The following RPS27L variants were observed in gnomAD, a reference collection of about 807,000 sequenced individuals.
RPS27L encodes ribosomal protein S27 like.
RPS27L carries 10 observed loss-of-function variants against 12.8 expected under a neutral mutation model. The observed-to-expected ratio is 0.78, with a 90% CI of 0.48 to 1.33. The LOEUF (loss-of-function observed/expected upper bound fraction) is 1.33, where lower values mean the gene tolerates loss of function less well. Among genes scored for constraint, RPS27L ranks in the 40% most tolerant of loss-of-function variants. RPS27L has a pLI of 0.00. For missense variants in RPS27L, 81 were observed against 97.4 expected, an observed-to-expected ratio of 0.83 and a Z score of 0.71; for synonymous variants, 26 against 32.3, an observed-to-expected ratio of 0.81 and a Z score of 0.66.
rs772085340 is a variant in RPS27L, at chr15:63,153,988, T to C, written c.*44A>G. On this transcript the variant is annotated 3_prime_UTR_variant, in exon 4 of 4. Coordinates refer to ENST00000330964, the MANE Select transcript of RPS27L (RefSeq NM_015920.4). ...TTATGGAATTTATGATAAGGCTTTC[T>C]GTGAGACAACACAAAATTAAAATTC... 6.7e-7 allele frequency: 1 copy of C among 1,482,570 alleles called. No individual in the cohort carries two copies. The highest frequency in any genetic ancestry group is 9.4e-7 in the Non-Finnish European group (1 of 1,067,802). 91.8% of individuals were successfully genotyped at this position (1,482,570 alleles called of 1,614,324 possible). A position where few individuals can be genotyped will look rare whatever the true frequency, so the allele number is the denominator to read the frequency against.
In RPS27L at chr15:63,150,277, T is replaced by C. The variant is rs1566996571; in HGVS notation, c.*3755A>G. 1 of 152,156 alleles carries C rather than the reference T, an allele frequency of 6.6e-6. No individual in the cohort carries two copies. The highest frequency in any genetic ancestry group is 1.5e-5 in the Non-Finnish European group (1 of 68,030). The allele number at this position is 152,156 out of a possible 1,614,324, so 9.4% of individuals were successfully genotyped here. On this transcript the variant is annotated 3_prime_UTR_variant, in exon 4 of 4. Transcript: ENST00000330964. The stretch of plus-strand genomic sequence containing the variant: ...ACCATGTGATTCCATTTATACGAAA[T>C]AGCATTATATGAAATATTGAGAAGA...
Position 63,151,019 on chromosome 15 carries a change from G to A in RPS27L, c.*3013C>T, listed in dbSNP as rs2037296573. 6.6e-6 allele frequency: 1 copy of A among 152,098 alleles called. No individual in the cohort carries two copies. The allele number at this position is 152,098 out of a possible 1,614,324, so 9.4% of individuals were successfully genotyped here. A position where few individuals can be genotyped will look rare whatever the true frequency, so the allele number is the denominator to read the frequency against. On this transcript the variant is annotated 3_prime_UTR_variant, in exon 4 of 4. Coordinates refer to ENST00000330964, the MANE Select transcript of RPS27L (RefSeq NM_015920.4). The stretch of plus-strand genomic sequence containing the variant: ...AAAATAAATTTATATTAAGTTTATG[G>A]AAGGTTTCCTTTACAAATATATTTA...
At chr15:63,155,517 G>T in intron 3 of RPS27L, 104 bp downstream of exon 3, 1 of 712,890 alleles carries the variant, frequency 1.4e-6, no homozygotes, top group Non-Finnish European at 2.4e-6. Context: ...TGAAAGATAA[G>T]TTATTTTGGT....
At chr15:63,157,141 C>A (rs567119819) in intron 1 of RPS27L, 2 of 557,750 alleles carry the variant, frequency 3.6e-6, no homozygotes, top group Admixed American at 3.2e-5. Flanking sequence ...AGACCAAGAC[C>A]GCTCATAAGC....
rs530159323 is a variant in RPS27L, at chr15:63,153,746, C to T, written c.*286G>A. The T allele has an allele frequency of 2.1e-5, 6 of 285,210 alleles. No homozygotes were observed. In the South Asian group the frequency reaches 3.2e-4, roughly 15 times the overall value. The allele number at this position is 285,210 out of a possible 1,614,324, so 17.7% of individuals were successfully genotyped here. On this transcript the variant is annotated 3_prime_UTR_variant, in exon 4 of 4. Coordinates refer to ENST00000330964, the MANE Select transcript of RPS27L (RefSeq NM_015920.4). ...TCTCTCAAAAAAAAAAAAAAAGACA[C>T]AAACTAATCAGAATAAATTTTAAAA...
Position 63,155,647 on chromosome 15 carries a change from G to A in RPS27L, c.200C>T (p.Thr67Ile), listed in dbSNP as rs766919192. 6 of 1,592,788 alleles carry A rather than the reference G, an allele frequency of 3.8e-6. No homozygotes were observed. Among genetic ancestry groups the A allele is most frequent in the South Asian group, 2.3e-5 (2 of 88,218 alleles). ...TTCTGTGAGTCTGGCCTTTCCTCCT[G>A]TAGGCTGGCACAACACTGTTGAACA... ...VGCSTVLCQP[T>I]GGKARLTEGC... The change falls in exon 3 of 4, where the codon ACA (threonine) becomes ATA (isoleucine). Residue 67 changes from threonine (T) to isoleucine (I), a missense_variant. Physicochemically the swap from Thr to Ile is moderately conservative, Grantham distance 89 (BLOSUM62 -1). Transcript: ENST00000330964.
chr15:63,157,401 G>A lies in RPS27L; in HGVS notation c.5C>T (p.Pro2Leu). Reference protein sequence around the residue: MPLARDLLHPSL... With the variant: MLLARDLLHPSL... ...CGGAGCCCGATGTAAACAACTCACA[G>A]GCATGTTGATCCTCTTGCAAGCTCA... Residue 2 changes from proline (P) to leucine (L), a missense_variant and splice_region_variant, in exon 1 of 4, where the codon CCT (proline) becomes CTT (leucine). Pro to Leu is a moderately conservative substitution (Grantham distance 98). Transcript: ENST00000330964. 6.2e-7 allele frequency: 1 copy of A among 1,614,138 alleles called. No individual in the cohort carries two copies. Among genetic ancestry groups the A allele is most frequent in the Non-Finnish European group, 8.5e-7 (1 of 1,180,000 alleles).
intron 2 of RPS27L, among the ~76,000 whole-genome samples, 178 bp from the exon 3 acceptor site, chr15:63,155,909 A>G (rs2037329358): frequency 6.6e-6 from 1 of 152,218 alleles, no homozygotes; most frequent in Admixed American, 6.5e-5. Context: ...GGTAAAATCA[A>G]TAATATATTT....
At position 63,151,239 on chromosome 15, in the gene RPS27L, G is replaced by C. The variant is rs960583419; in HGVS notation, c.*2793C>G. On this transcript the variant is annotated 3_prime_UTR_variant, in exon 4 of 4. Transcript: ENST00000330964. ...CCCAATGCCATGTAAATCCTTAGATGTGTTCTTTCTTTGAGACACAGCTTC... is the reference window on the plus strand; with the variant it reads ...CCCAATGCCATGTAAATCCTTAGATCTGTTCTTTCTTTGAGACACAGCTTC... 3 of 151,998 alleles carry C rather than the reference G, an allele frequency of 2.0e-5. No individual in the cohort carries two copies. Among genetic ancestry groups the C allele is most frequent in the Non-Finnish European group, 4.4e-5 (3 of 67,994 alleles). The allele number at this position is 151,998 out of a possible 1,614,324, so 9.4% of individuals were successfully genotyped here.
intron 1 of RPS27L, chr15:63,156,988 T>C (rs2037336606): frequency 2.8e-6 from 1 of 353,006 alleles, no homozygotes; most frequent in Non-Finnish European, 5.1e-6. Flanking sequence ...ACGGAATTAA[T>C]ATATAAGGCA....
intron 3 of RPS27L, 22 bp from the exon 4 acceptor site, chr15:63,154,082 A>G (rs779364653): frequency 6.3e-7 from 1 of 1,592,950 alleles, no homozygotes; most frequent in East Asian, 2.2e-5. Context: ...TCATGAGAGT[A>G]TATTAAACAA....
At position 63,148,934 on chromosome 15, in the gene RPS27L, C is replaced by T. The variant is rs1299788879; in HGVS notation, c.*5098G>A. 1 of 148,484 alleles carries T rather than the reference C, an allele frequency of 6.7e-6. No homozygotes were observed. Among genetic ancestry groups the T allele is most frequent in the Admixed American group, 6.8e-5 (1 of 14,668 alleles). 9.2% of individuals were successfully genotyped at this position (148,484 alleles called of 1,614,324 possible). A position where few individuals can be genotyped will look rare whatever the true frequency, so the allele number is the denominator to read the frequency against. The stretch of plus-strand genomic sequence containing the variant: ...AGTGCAGTGGTACGATCTGGGCTCA[C>T]TGCAAGCTCCGCCTCCCAGGTTCAA... On this transcript the variant is annotated 3_prime_UTR_variant, in exon 4 of 4. Transcript: ENST00000330964.
rs908861573 is a variant in RPS27L, at chr15:63,148,803, G to A, written c.*5229C>T. The A allele has an allele frequency of 6.6e-6, 1 of 151,612 alleles. No individual in the cohort carries two copies. The highest frequency in any genetic ancestry group is 6.6e-5 in the Admixed American group (1 of 15,226). 9.4% of individuals were successfully genotyped at this position (151,612 alleles called of 1,614,324 possible). A position where few individuals can be genotyped will look rare whatever the true frequency, so the allele number is the denominator to read the frequency against. ...CATCTCCTTTGAAACAAAATTCAAA[G>A]GCTATTTAAGTGTCGATCAATAGCA... On this transcript the variant is annotated 3_prime_UTR_variant, in exon 4 of 4. Coordinates refer to ENST00000330964, the MANE Select transcript of RPS27L (RefSeq NM_015920.4).
intron 3 of RPS27L, 124 bp from the exon 4 acceptor site, chr15:63,154,184 C>G: frequency 2.7e-6 from 2 of 735,832 alleles, no homozygotes; most frequent in Non-Finnish European, 4.6e-6. Flanking sequence ...TACTCATATA[C>G]AGATTATTTA....
intron 1 of RPS27L, chr15:63,157,195 C>A: frequency 1.6e-6 from 1 of 623,214 alleles, no homozygotes; most frequent in Non-Finnish European, 2.9e-6. Flanking sequence ...CTCTGAATTG[C>A]AGCCCACGCC....
chr15:63,155,732 C>CA lies in RPS27L; in HGVS notation c.116-2_116-1insT. 1.4e-6 allele frequency: 2 copies of CA among 1,437,862 alleles called. No individual in the cohort carries two copies. Among genetic ancestry groups the CA allele is most frequent in the South Asian group, 2.9e-5 (2 of 68,466 alleles). The allele number at this position is 1,437,862 out of a possible 1,614,324, so 89.1% of individuals were successfully genotyped here. ...AAAACCGTGGTGATCTTGTAGCAACCTAAAAAAAAAAAAAGGCAATGTTAA... is the reference window on the plus strand; with the variant it reads ...AAAACCGTGGTGATCTTGTAGCAACCATAAAAAAAAAAAAAGGCAATGTTAA... On this transcript the variant is annotated splice_acceptor_variant, in intron 2 of 3. Coordinates refer to ENST00000330964, the MANE Select transcript of RPS27L (RefSeq NM_015920.4). LOFTEE classifies it high-confidence loss of function.
chr15:63,154,546 A>G (rs1259279325), intron 3 of RPS27L: 1 of 152,786 alleles, frequency 6.5e-6, no homozygotes, highest in Non-Finnish European at 1.5e-5. Context: ...TCCCAAGTAT[A>G]CTTAGCAATA....
At chr15:63,156,598 T>G (rs940554516) in intron 1 of RPS27L, 77 bp from the exon 2 acceptor site, 1 of 882,284 alleles carries the variant, frequency 1.1e-6, no homozygotes, top group Non-Finnish European at 1.9e-6. Flanking sequence ...GAAATATACA[T>G]GCAAAAACAG....
At chr15:63,155,434 A>G (rs2037325809) in intron 3 of RPS27L, 187 bp downstream of exon 3, 1 of 426,988 alleles carries the variant, frequency 2.3e-6, no homozygotes, top group Non-Finnish European at 4.2e-6. Flanking sequence ...AAATAAGTCA[A>G]TGGAGTTCAC....
Sources: gnomAD v4.1 joint callset for allele counts (sites outside exome capture counted in the v4.1 genomes callset) on GRCh38, gnomAD v4.1.1 for gene constraint, MANE v1.5 for transcripts, NCBI Gene and HGNC (gene_info 2026-07-23, HGNC 2026-07-21) for gene names.